Variants in TMEM214 observed in about 807,000 individuals in gnomAD.
The protein encoded by TMEM214 is transmembrane protein 214.
TMEM214 carries 71 observed loss-of-function variants against 89.8 expected under a neutral mutation model. That is an observed-to-expected ratio of 0.79 (90% CI 0.65 to 0.96). TMEM214 has a LOEUF of 0.96. TMEM214 is among the 40% of genes least tolerant of loss of function. The pLI is 0.00. For synonymous variants in TMEM214, 332 were observed against 349.5 expected, an observed-to-expected ratio of 0.95 and a Z score of 0.56; for missense variants, 754 against 843.4, an observed-to-expected ratio of 0.89 and a Z score of 1.31.
rs898328848 is a variant in TMEM214 at position 27,036,350 on chromosome 2, C to A, written c.721-137C>A. On this transcript the variant is annotated intron_variant, in intron 5 of 16. Coordinates refer to ENST00000238788, the MANE Select transcript of TMEM214 (RefSeq NM_017727.5). ...GCGAAGCCCACAAACAGAACCTGCA[C>A]CACGTGGCCATAGTGCTCCACTCTT... The A allele has an allele frequency of 4.8e-5, 38 of 787,586 alleles. No homozygotes were observed. The South Asian group carries it at 5.3e-4, about 11-fold the overall frequency. The allele number at this position is 787,586 out of a possible 1,614,324, so 48.8% of individuals were successfully genotyped here. A position where few individuals can be genotyped will look rare whatever the true frequency, so the allele number is the denominator to read the frequency against.
intron 7 of TMEM214, 106 bp from the exon 8 acceptor site, chr2:27,036,971 G>T: frequency 8.7e-7 from 1 of 1,153,880 alleles, no homozygotes; most frequent in Non-Finnish European, 1.3e-6. Context: ...GGCAGATGGG[G>T]TAGAGTTTAT....
rs771676375 is a variant in TMEM214, at chr2:27,038,143, C to T, written c.1153-3C>T. On this transcript the variant is annotated splice_polypyrimidine_tract_variant and splice_region_variant and intron_variant, in intron 9 of 16. Coordinates refer to ENST00000238788, the MANE Select transcript of TMEM214 (RefSeq NM_017727.5). This position sits in a 1 kb window ranked among gnomAD's most constrained non-coding sequence, Gnocchi z 4.4. ...CAGCCTCTCCCTCTGTCGTGCTGTGCAGCTCCTGAGCAGCCTGACTGAGTG... is the reference window on the plus strand; with the variant it reads ...CAGCCTCTCCCTCTGTCGTGCTGTGTAGCTCCTGAGCAGCCTGACTGAGTG... 4.3e-6 allele frequency: 7 copies of T among 1,614,130 alleles called. No individual in the cohort carries two copies. Among genetic ancestry groups the T allele is most frequent in the East Asian group, 2.2e-5 (1 of 44,882 alleles).
At position 27,041,356 on chromosome 2, in the gene TMEM214, C is replaced by G. The variant is rs1667824701; in HGVS notation, c.*519C>G. 1.3e-5 allele frequency: 2 copies of G among 154,896 alleles called. No individual in the cohort carries two copies. Among genetic ancestry groups the G allele is most frequent in the Admixed American group, 1.3e-4 (2 of 15,432 alleles). 9.6% of individuals were successfully genotyped at this position (154,896 alleles called of 1,614,324 possible). A position where few individuals can be genotyped will look rare whatever the true frequency, so the allele number is the denominator to read the frequency against. On this transcript the variant is annotated 3_prime_UTR_variant, in exon 17 of 17. Transcript: ENST00000238788. The stretch of plus-strand genomic sequence containing the variant: ...TGGGAAACAGCAGCCTCACCTCCAC[C>G]TGAAGCCTGGGTGTGGCTGTCAGTG...
Position 27,034,066 on chromosome 2 carries a change from G to A in TMEM214, c.152-1G>A. 6.2e-7 allele frequency: 1 copy of A among 1,614,056 alleles called. No homozygotes were observed. The highest frequency in any genetic ancestry group is 8.5e-7 in the Non-Finnish European group (1 of 1,179,994). On this transcript the variant is annotated splice_acceptor_variant, in intron 1 of 16. Coordinates refer to ENST00000238788, the MANE Select transcript of TMEM214 (RefSeq NM_017727.5). LOFTEE classifies it high-confidence loss of function. Reference sequence around the variant, plus strand: ...CCTTTCTCTACCTATCTTCACCCCAGCTGCAATCCAGACCACAAGCACCCT... The same window carrying A: ...CCTTTCTCTACCTATCTTCACCCCAACTGCAATCCAGACCACAAGCACCCT...
In TMEM214 at chr2:27,038,425, C is replaced by A; in HGVS notation, c.1245-59C>A. 6.2e-7 allele frequency: 1 copy of A among 1,606,078 alleles called. No individual in the cohort carries two copies. Among genetic ancestry groups the A allele is most frequent in the Non-Finnish European group, 8.5e-7 (1 of 1,173,970 alleles). ...TGAAGGAGCCAGGGCTAATGGAGGA[C>A]AGGAGGATGGGTGAGGCTGCGCGAG... On this transcript the variant is annotated intron_variant, in intron 10 of 16. Coordinates refer to ENST00000238788, the MANE Select transcript of TMEM214 (RefSeq NM_017727.5). This position sits in a 1 kb window ranked among gnomAD's most constrained non-coding sequence, Gnocchi z 4.4.
At chr2:27,033,195 C>A (rs1489273509) in intron 1 of TMEM214, 29 bp downstream of exon 1, 1 of 1,246,408 alleles carries the variant, frequency 8.0e-7, no homozygotes. Context: ...CCGCCGCCTA[C>A]CCCAGGCCTG....
intron 5 of TMEM214, 47 bp from the exon 6 acceptor site, chr2:27,036,440 T>C (rs777441899): frequency 2.5e-5 from 37 of 1,484,626 alleles, no homozygotes; most frequent in Non-Finnish European, 3.5e-5. Flanking sequence ...GGGGTGCTCC[T>C]GGTGTTTTGT....
At position 27,040,049 on chromosome 2, in the gene TMEM214, C is replaced by T; in HGVS notation, c.1642C>T (p.Pro548Ser). Residue 548 changes from proline to serine, a missense_variant, in exon 15 of 17, where the codon CCG (proline) becomes TCG (serine). Physicochemically the swap from Pro to Ser is moderately conservative, Grantham distance 74. Coordinates refer to ENST00000238788, the MANE Select transcript of TMEM214 (RefSeq NM_017727.5). ...QGYSWLGETL[P>S]LWGSHLLTVV... ...CCACAGCTGGCTGGGGGAGACACTG[C>T]CGCTCTGGGGCTCCCACCTGCTCAC... 1 of 1,606,210 alleles carries T rather than the reference C, an allele frequency of 6.2e-7. No individual in the cohort carries two copies. The highest frequency in any genetic ancestry group is 1.3e-5 in the African/African-American group (1 of 75,050).
Position 27,038,214 on chromosome 2 carries a change from C to T in TMEM214, c.1221C>T (p.Tyr407=). 2 of 1,614,130 alleles carry T rather than the reference C, an allele frequency of 1.2e-6. No individual in the cohort carries two copies. The highest frequency in any genetic ancestry group is 8.5e-7 in the Non-Finnish European group (1 of 1,179,992). Residue 407 remains tyrosine (Y), a synonymous_variant, in exon 10 of 17, where the codon TAC becomes TAT. Coordinates refer to ENST00000238788, the MANE Select transcript of TMEM214 (RefSeq NM_017727.5). This position sits in a 1 kb window ranked among gnomAD's most constrained non-coding sequence, Gnocchi z 4.4. The part of the protein sequence containing the change: ...PLSASVWRQL[Y]PKHLSQSSLL... ...GTGCCAGCGTCTGGAGGCAGCTGTA[C>T]CCTAAGCACCTGTCACAGTCCAGGC... is the stretch of plus-strand genomic sequence containing the variant.
At chr2:27,039,961 C>A in intron 14 of TMEM214, 69 bp from the exon 15 acceptor site, 1 of 1,592,324 alleles carries the variant, frequency 6.3e-7, no homozygotes, top group South Asian at 1.1e-5. Context: ...CTTTCCCCAG[C>A]TGTTTCTTGG....
chr2:27,035,316 C>G (rs772570642), intron 3 of TMEM214, 31 bp downstream of exon 3: 80 of 1,613,584 alleles, frequency 5.0e-5, no homozygotes, highest in Non-Finnish European at 6.8e-5. Flanking sequence ...CAAGCTCAGA[C>G]AAGTTCAAAT....
rs1346571141 is a variant in TMEM214, at chr2:27,038,947, G to A, written c.1408-100G>A. 2.0e-6 allele frequency: 3 copies of A among 1,475,982 alleles called. No individual in the cohort carries two copies. Among genetic ancestry groups the A allele is most frequent in the Admixed American group, 1.7e-5 (1 of 59,484 alleles). 91.4% of individuals were successfully genotyped at this position (1,475,982 alleles called of 1,614,324 possible). On this transcript the variant is annotated intron_variant, in intron 12 of 16. Coordinates refer to ENST00000238788, the MANE Select transcript of TMEM214 (RefSeq NM_017727.5). The surrounding 1 kb of genome is among the most constrained non-coding windows in gnomAD (Gnocchi z 4.4). The stretch of plus-strand genomic sequence containing the variant: ...CCGCTGCCTCCAGGATAATGTGAAG[G>A]CTTGACGCTCTTTCGGGAAGGCCTG...
At chr2:27,036,359 C>T (rs1667557022) in intron 5 of TMEM214, 128 bp from the exon 6 acceptor site, 1 of 827,184 alleles carries the variant, frequency 1.2e-6, no homozygotes, top group East Asian at 2.4e-5. Flanking sequence ...ACCACGTGGC[C>T]ATAGTGCTCC....
In TMEM214 at chr2:27,038,910, G is replaced by T; in HGVS notation, c.1407+95G>T. On this transcript the variant is annotated intron_variant, in intron 12 of 16. Coordinates refer to ENST00000238788, the MANE Select transcript of TMEM214 (RefSeq NM_017727.5). This position sits in a 1 kb window ranked among gnomAD's most constrained non-coding sequence, Gnocchi z 4.4. Reference sequence around the variant, plus strand: ...CCTGTATCACATTCCTGCCCCACCTGTCTGGAGCCCCCCGCTGCCTCCAGG... The same window carrying T: ...CCTGTATCACATTCCTGCCCCACCTTTCTGGAGCCCCCCGCTGCCTCCAGG... 1.4e-6 allele frequency: 2 copies of T among 1,417,174 alleles called. No homozygotes were observed. Among genetic ancestry groups the T allele is most frequent in the South Asian group, 2.4e-5 (2 of 84,736 alleles). The allele number at this position is 1,417,174 out of a possible 1,614,324, so 87.8% of individuals were successfully genotyped here. A position where few individuals can be genotyped will look rare whatever the true frequency, so the allele number is the denominator to read the frequency against.
chr2:27,040,757 G>A lies in TMEM214; in HGVS notation c.1990G>A (p.Val664Ile), dbSNP rs769975433. ...DCMKTQLSEA[V>I]HWTWLCLQDI... ...CATGAAGACACAGCTCAGTGAGGCT[G>A]TCCACTGGACCTGGCTTTGCCTACA... Residue 664 changes from valine to isoleucine, a missense_variant, in exon 17 of 17, where the codon GTC becomes ATC. Physicochemically the swap from Val to Ile is conservative, Grantham distance 29. Transcript: ENST00000238788. 19 of 1,614,054 alleles carry A rather than the reference G, an allele frequency of 1.2e-5. No individual in the cohort carries two copies. Among genetic ancestry groups the A allele is most frequent in the Middle Eastern group, 1.6e-4 (1 of 6,084 alleles).
intron 1 of TMEM214, 81 bp downstream of exon 1, chr2:27,033,247 G>A: frequency 8.3e-7 from 1 of 1,205,062 alleles, no homozygotes; most frequent in Non-Finnish European, 1.0e-6. Flanking sequence ...ACCTGGGCGC[G>A]AGCTCGCAGG....
Position 27,040,870 on chromosome 2 carries a change from G to A in TMEM214, c.*33G>A. 6.2e-7 allele frequency: 1 copy of A among 1,605,896 alleles called. No homozygotes were observed. Among genetic ancestry groups the A allele is most frequent in the Non-Finnish European group, 8.5e-7 (1 of 1,173,272 alleles). On this transcript the variant is annotated 3_prime_UTR_variant, in exon 17 of 17. Coordinates refer to ENST00000238788, the MANE Select transcript of TMEM214 (RefSeq NM_017727.5). ...CTTCCTGGCCACTGATTTCTGCATGGGTAGACCATCCAAGACTGCAGCGGG... is the reference window on the plus strand; with the variant it reads ...CTTCCTGGCCACTGATTTCTGCATGAGTAGACCATCCAAGACTGCAGCGGG...
chr2:27,034,305 G>A (rs1203579750), intron 2 of TMEM214, 39 bp downstream of exon 2: 1 of 1,603,538 alleles, frequency 6.2e-7, no homozygotes, highest in Non-Finnish European at 8.5e-7. Flanking sequence ...AAGAATGGGG[G>A]CTTGAGATTT....
In TMEM214 at chr2:27,040,760, C is replaced by T. The variant is rs778022300; in HGVS notation, c.1993C>T (p.His665Tyr). 4.3e-6 allele frequency: 7 copies of T among 1,614,060 alleles called. No homozygotes were observed. The South Asian group carries it at 6.6e-5, about 15-fold the overall frequency. Residue 665 changes from histidine to tyrosine, a missense_variant, in exon 17 of 17, where the codon CAC (histidine) becomes TAC (tyrosine). His to Tyr is a moderately conservative substitution (Grantham distance 83, BLOSUM62 2). Coordinates refer to ENST00000238788, the MANE Select transcript of TMEM214 (RefSeq NM_017727.5). ...CMKTQLSEAVHWTWLCLQDIT... is the reference protein window; with the variant it reads ...CMKTQLSEAVYWTWLCLQDIT... Reference sequence around the variant, plus strand: ...GAAGACACAGCTCAGTGAGGCTGTCCACTGGACCTGGCTTTGCCTACAGGA... The same window carrying T: ...GAAGACACAGCTCAGTGAGGCTGTCTACTGGACCTGGCTTTGCCTACAGGA...
Sources: gnomAD v4.1 joint callset for allele counts on GRCh38, gnomAD v4.1.1 for gene constraint, Gnocchi (gnomAD v3.1) non-coding constraint, MANE v1.5 for transcripts, NCBI Gene and HGNC (gene_info 2026-07-23, HGNC 2026-07-21) for gene names.